RBMS3: variants seen among roughly 807,000 people sequenced by gnomAD.
RBMS3 encodes the protein RNA-binding motif, single-stranded-interacting protein 3.
Under a neutral mutation model 66.8 loss-of-function variants are expected in RBMS3, and 27 were observed. The ratio of observed to expected loss-of-function variants is 0.40; its 90% CI spans 0.30 to 0.56. The LOEUF is 0.56. RBMS3 is among the 20% of genes least tolerant of loss of function. RBMS3 has a pLI of 0.40. For synonymous variants in RBMS3, 188 were observed against 183.0 expected, an observed-to-expected ratio of 1.03 and a Z score of -0.22; for missense variants, 513 against 549.5, an observed-to-expected ratio of 0.93 and a Z score of 0.66.
In RBMS3 at chr3:29,635,933, G is replaced by A. The variant is rs537077371; in HGVS notation, c.399+48728G>A. Among the ~76,000 whole-genome samples the A allele has an allele frequency of 2.4e-4, 36 of 151,862 alleles. No individual in the cohort carries two copies. The South Asian group carries it at 7.5e-3, about 31-fold the overall frequency. ...AAGCAAGGAAGAAACAGTGCCCACA[G>A]AAAGCAAAACTAAGAAATCCTGTTA... On this transcript the variant is annotated intron_variant, in intron 4 of 14. Coordinates refer to ENST00000383767, the MANE Select transcript of RBMS3 (RefSeq NM_001003793.3).
At chr3:29,647,821 A>C (rs2049987171) in intron 4 of RBMS3, among the ~76,000 whole-genome samples, 1 of 152,180 alleles carries the variant, frequency 6.6e-6, no homozygotes, top group Admixed American at 6.5e-5. Context: ...ATATAGATAA[A>C]AGTTATTAAG....
At chr3:29,333,349 T>G (rs1481884480) in intron 1 of RBMS3, among the ~76,000 whole-genome samples, 1 of 152,134 alleles carries the variant, frequency 6.6e-6, no homozygotes, top group Non-Finnish European at 1.5e-5. Flanking sequence ...TATGCCCAAT[T>G]AGAAAGCAGT....
intron 12 of RBMS3, among the ~76,000 whole-genome samples, chr3:29,946,206 C>G (rs975751059): frequency 6.6e-6 from 1 of 151,610 alleles, no homozygotes; most frequent in Admixed American, 6.6e-5. Flanking sequence ...AGGACAACTT[C>G]AATGACTTTT....
intron 12 of RBMS3, among the ~76,000 whole-genome samples, chr3:29,985,418 G>C (rs6792414): frequency 3.3e-5 from 5 of 150,616 alleles, no homozygotes; most frequent in Admixed American, 1.3e-4. Flanking sequence ...AAAAAAAGCT[G>C]CATCTAGCAG....
At chr3:29,784,908 A>G (rs2056768153) in intron 6 of RBMS3, among the ~76,000 whole-genome samples, 1 of 152,120 alleles carries the variant, frequency 6.6e-6, no homozygotes, top group Admixed American at 6.6e-5. Context: ...GAACACCTTT[A>G]CATGCATAAA....
At chr3:29,755,060 G>A (rs1334617082) in intron 5 of RBMS3, among the ~76,000 whole-genome samples, 1 of 152,158 alleles carries the variant, frequency 6.6e-6, no homozygotes, top group Non-Finnish European at 1.5e-5. Context: ...TATGGCTGTA[G>A]CTAGGAGATT....
chr3:29,748,624 C>G (rs1265534579), intron 5 of RBMS3, among the ~76,000 whole-genome samples: 1 of 152,000 alleles, frequency 6.6e-6, no homozygotes, highest in African/African-American at 2.4e-5. Context: ...AAAAAACTAC[C>G]CTGGGCATGG....
intron 6 of RBMS3, among the ~76,000 whole-genome samples, chr3:29,853,827 A>G (rs142754148): frequency 5.7e-4 from 87 of 152,214 alleles, no homozygotes; most frequent in African/African-American, 1.9e-3. Context: ...GTTGAGACCA[A>G]GGTTATCTTT....
intron 10 of RBMS3, among the ~76,000 whole-genome samples, chr3:29,918,232 A>T (rs1398895916): frequency 6.6e-6 from 1 of 152,158 alleles, no homozygotes; most frequent in African/African-American, 2.4e-5. Context: ...ATAAAAAATT[A>T]TTATTGGATT....
rs568489282 is a variant in RBMS3 at position 29,801,777 on chromosome 3, G to T, written c.637+38788G>T. Among the ~76,000 whole-genome samples the T allele has an allele frequency of 4.6e-5, 7 of 152,080 alleles. No individual in the cohort carries two copies. In the East Asian group the frequency reaches 1.4e-3, roughly 29 times the overall value. The stretch of plus-strand genomic sequence containing the variant: ...TGCTCTTTTTCTCATGTCTTACAAA[G>T]CATAAGTGGGAAGATTCTAGGCCTT... On this transcript the variant is annotated intron_variant, in intron 6 of 14. Coordinates refer to ENST00000383767, the MANE Select transcript of RBMS3 (RefSeq NM_001003793.3).
intron 4 of RBMS3, among the ~76,000 whole-genome samples, chr3:29,692,117 G>T (rs1407243078): frequency 1.3e-5 from 2 of 151,412 alleles, no homozygotes; most frequent in Admixed American, 6.6e-5. Context: ...AAGTAGCTGG[G>T]ATTACAGATG....
At chr3:29,423,044 T>G (rs1324299078) in intron 1 of RBMS3, among the ~76,000 whole-genome samples, 1 of 152,208 alleles carries the variant, frequency 6.6e-6, no homozygotes, top group Non-Finnish European at 1.5e-5. Context: ...TAATTCACTG[T>G]AAGAAAACCT....
intron 3 of RBMS3, among the ~76,000 whole-genome samples, chr3:29,509,661 G>A (rs1447456026): frequency 6.6e-6 from 1 of 152,112 alleles, no homozygotes; most frequent in Non-Finnish European, 1.5e-5. Context: ...TGCCTTCCAC[G>A]CTAGCCCAAG....
Position 29,739,599 on chromosome 3 carries a change from G to A in RBMS3, c.400-121G>A, listed in dbSNP as rs1396838239. 5 of 857,390 alleles carry A rather than the reference G, an allele frequency of 5.8e-6. No individual in the cohort carries two copies. In the South Asian group the frequency reaches 1.1e-4, roughly 19 times the overall value. 53.1% of individuals were successfully genotyped at this position (857,390 alleles called of 1,614,324 possible). On this transcript the variant is annotated intron_variant, in intron 4 of 14. Transcript: ENST00000383767. ...AAAAGAAGTAATGCCCCTAGTGAAA[G>A]CACTTTCAAGAGCATTTTGGAGATT...
chr3:29,620,659 A>C (rs2048834396), intron 4 of RBMS3, among the ~76,000 whole-genome samples: 1 of 152,082 alleles, frequency 6.6e-6, no homozygotes, highest in South Asian at 2.1e-4. Flanking sequence ...TTTTGCACCA[A>C]TTCCATAAGT....
intron 7 of RBMS3, among the ~76,000 whole-genome samples, chr3:29,878,237 C>A (rs2059655922): frequency 6.6e-6 from 1 of 152,052 alleles, no homozygotes; most frequent in South Asian, 2.1e-4. Context: ...TGCTGTGCAG[C>A]CCGGTTCCTA....
At chr3:29,984,056 G>A (rs1474932526) in intron 12 of RBMS3, among the ~76,000 whole-genome samples, 6 of 152,084 alleles carry the variant, frequency 3.9e-5, no homozygotes, top group East Asian at 1.9e-4. Context: ...CCAGTCAAAC[G>A]TAGGTTTGGT....
At chr3:29,862,198 T>C (rs1370254288) in intron 6 of RBMS3, among the ~76,000 whole-genome samples, 2 of 152,210 alleles carry the variant, frequency 1.3e-5, no homozygotes, top group African/African-American at 2.4e-5. Flanking sequence ...AGAAATCACC[T>C]GGGGATCTGG....
chr3:29,343,300 T>A (rs1168750443), intron 1 of RBMS3, among the ~76,000 whole-genome samples: 2 of 152,138 alleles, frequency 1.3e-5, no homozygotes, highest in African/African-American at 2.4e-5. Flanking sequence ...TATAGCCAGT[T>A]ACCTAAGAAA....
Sources: allele counts gnomAD v4.1 joint callset (sites outside exome capture counted in the v4.1 genomes callset), GRCh38; gene constraint gnomAD v4.1.1; transcripts MANE v1.5; gene names NCBI Gene and HGNC (gene_info 2026-07-23, HGNC 2026-07-21).